FHOD3: variants seen among roughly 807,000 people sequenced by gnomAD.
The protein encoded by FHOD3 is FH1/FH2 domain-containing protein 3.
A neutral mutation model predicts 173.0 loss-of-function variants in FHOD3; 90 were observed. The ratio of observed to expected loss-of-function variants is 0.52; its 90% CI spans 0.44 to 0.62. The LOEUF (loss-of-function observed/expected upper bound fraction) is 0.62, where lower values mean the gene tolerates loss of function less well. FHOD3 is among the 20% of genes least tolerant of loss of function. The probability of loss-of-function intolerance (pLI) is 0.00; values close to 1 mark genes in which losing one functional copy is unlikely to be tolerated. For missense variants in FHOD3, 1,945 were observed against 2,034.7 expected, an observed-to-expected ratio of 0.96 and a Z score of 0.85; for synonymous variants, 828 against 823.0, an observed-to-expected ratio of 1.01 and a Z score of -0.10.
At chr18:36,703,729 T>G (rs1201659755) in intron 17 of FHOD3, among the ~76,000 whole-genome samples, 2 of 152,216 alleles carry the variant, frequency 1.3e-5, no homozygotes, top group African/African-American at 4.8e-5. Context: ...CCTGGCGGAC[T>G]TCATACAGGG....
chr18:36,627,930 C>G (rs1034387088), intron 10 of FHOD3, among the ~76,000 whole-genome samples: 1 of 152,212 alleles, frequency 6.6e-6, no homozygotes, highest in African/African-American at 2.4e-5. Flanking sequence ...CATATATGCA[C>G]ATTGCTCTTC....
chr18:36,479,074 G>C (rs1396526772), intron 3 of FHOD3, among the ~76,000 whole-genome samples: 1 of 152,176 alleles, frequency 6.6e-6, no homozygotes, highest in Non-Finnish European at 1.5e-5. Context: ...TTCGCTTCCT[G>C]CGTGTCCCTT....
chr18:36,460,948 A>C (rs1308393251), intron 3 of FHOD3, among the ~76,000 whole-genome samples: 1 of 152,196 alleles, frequency 6.6e-6, no homozygotes, highest in Non-Finnish European at 1.5e-5. Flanking sequence ...ACCCCTGGGC[A>C]TAGCAGATGA....
At chr18:36,560,425 G>A (rs2058044077) in intron 5 of FHOD3, among the ~76,000 whole-genome samples, 1 of 152,182 alleles carries the variant, frequency 6.6e-6, no homozygotes, top group Non-Finnish European at 1.5e-5. Context: ...AGTAGGGATG[G>A]CCTCAAACAC....
At chr18:36,618,311 G>GTTTT (rs34019893) in intron 9 of FHOD3, among the ~76,000 whole-genome samples, 15 of 70,836 alleles carry the variant, frequency 2.1e-4, no homozygotes, top group African/African-American at 4.3e-4. Context: ...TTTTTTGGTG[G>GTTTT]TTTTTTTTTT....
chr18:36,392,583 G>C (rs746125493), intron 3 of FHOD3, among the ~76,000 whole-genome samples: 5 of 152,186 alleles, frequency 3.3e-5, no homozygotes, highest in Non-Finnish European at 7.3e-5. Context: ...CCCAGGCTCT[G>C]ATCCTCAAGC....
At chr18:36,354,093 T>A (rs1001386474) in intron 1 of FHOD3, among the ~76,000 whole-genome samples, 14 of 152,206 alleles carry the variant, frequency 9.2e-5, no homozygotes, top group African/African-American at 3.4e-4. Context: ...AAGGCAAGAC[T>A]GTGTGCCTGG....
At chr18:36,506,897 A>G (rs2055332103) in intron 4 of FHOD3, among the ~76,000 whole-genome samples, 1 of 152,236 alleles carries the variant, frequency 6.6e-6, no homozygotes, top group Non-Finnish European at 1.5e-5. Context: ...CCTCATCCCT[A>G]GAGGACTCGC....
Position 36,537,446 on chromosome 18 carries a change from C to G in FHOD3, c.511+24903C>G, listed in dbSNP as rs1329141586. Among the ~76,000 whole-genome samples the G allele has an allele frequency of 2.0e-5, 3 of 152,142 alleles. No homozygotes were observed. In the East Asian group the frequency reaches 5.8e-4, roughly 29 times the overall value. ...TAAGGGCACCCCCCTTGCCCAGGAG[C>G]CAGTGGACACCACATGGGGAACCTG... On this transcript the variant is annotated intron_variant, in intron 5 of 28. Coordinates refer to ENST00000590592, the MANE Select transcript of FHOD3 (RefSeq NM_001281740.3).
intron 5 of FHOD3, among the ~76,000 whole-genome samples, chr18:36,563,923 C>T (rs1252164556): frequency 6.6e-6 from 1 of 152,110 alleles, no homozygotes; most frequent in Non-Finnish European, 1.5e-5. Context: ...GGCTTAATTA[C>T]TCGTCTCTAC....
intron 3 of FHOD3, among the ~76,000 whole-genome samples, chr18:36,458,462 A>T (rs557608610): frequency 5.9e-5 from 9 of 152,228 alleles, no homozygotes; most frequent in Non-Finnish European, 1.0e-4. Flanking sequence ...AAGTGTGTGC[A>T]TATCATGGGT....
intron 2 of FHOD3, among the ~76,000 whole-genome samples, chr18:36,370,821 G>T (rs766833098): frequency 6.6e-6 from 1 of 152,208 alleles, no homozygotes; most frequent in Non-Finnish European, 1.5e-5. Flanking sequence ...CCTGGCAGGG[G>T]TTCACTGATT....
chr18:36,569,492 G>A (rs767632560), intron 5 of FHOD3, among the ~76,000 whole-genome samples: 9 of 152,126 alleles, frequency 5.9e-5, no homozygotes, highest in East Asian at 5.8e-4. Flanking sequence ...TGTAGTTGGA[G>A]ACTTCAATAC....
At chr18:36,650,851 A>G (rs72895591) in intron 11 of FHOD3, among the ~76,000 whole-genome samples, 1,599 of 152,266 alleles carry the variant, frequency 0.011, 11 homozygotes, top group Non-Finnish European at 0.018. Context: ...TTTTTATTAT[A>G]CAGGTAGATG....
chr18:36,415,341 A>G (rs2049579285), intron 3 of FHOD3, among the ~76,000 whole-genome samples: 2 of 152,220 alleles, frequency 1.3e-5, no homozygotes, highest in South Asian at 2.1e-4. Flanking sequence ...CTTCACAACA[A>G]ATCAGCAAAA....
chr18:36,367,497 C>T (rs900791545), intron 2 of FHOD3, among the ~76,000 whole-genome samples: 8 of 152,258 alleles, frequency 5.3e-5, no homozygotes, highest in East Asian at 3.9e-4. Context: ...GGGTACTTGG[C>T]GCATTCCACT....
intron 5 of FHOD3, among the ~76,000 whole-genome samples, chr18:36,528,199 A>C (rs1227505689): frequency 1.3e-5 from 2 of 152,208 alleles, no homozygotes; most frequent in Non-Finnish European, 2.9e-5. Context: ...GCACTAGGAT[A>C]AGACAGAGAA....
chr18:36,525,614 G>C (rs2056475149), intron 5 of FHOD3, among the ~76,000 whole-genome samples: 1 of 152,190 alleles, frequency 6.6e-6, no homozygotes, highest in South Asian at 2.1e-4. Context: ...TGCTAAATTT[G>C]GTACAGAATA....
chr18:36,672,312 A>G (rs374973340), intron 14 of FHOD3, among the ~76,000 whole-genome samples: 6 of 152,256 alleles, frequency 3.9e-5, no homozygotes, highest in African/African-American at 1.4e-4. Flanking sequence ...AACAACAACC[A>G]TGCATTTACC....
Sources: gnomAD v4.1 joint callset for allele counts (sites outside exome capture counted in the v4.1 genomes callset) on GRCh38, gnomAD v4.1.1 for gene constraint, MANE v1.5 for transcripts, NCBI Gene and HGNC (gene_info 2026-07-23, HGNC 2026-07-21) for gene names.